ALG3: variants seen among roughly 807,000 people sequenced by gnomAD.
ALG3 encodes the protein dol-P-Man:Man(5)GlcNAc(2)-PP-Dol alpha-1,3-mannosyltransferase.
A neutral mutation model predicts 50.5 loss-of-function variants in ALG3; 39 were observed. The ratio of observed to expected loss-of-function variants is 0.77; its 90% CI spans 0.60 to 1.01. ALG3 has a LOEUF of 1.01. Ranked by LOEUF, ALG3 falls within the 50% of genes least tolerant of loss-of-function variation. The pLI, the probability that ALG3 is intolerant of heterozygous loss-of-function variation, is 0.00. For synonymous variants in ALG3, 252 were observed against 237.2 expected, an observed-to-expected ratio of 1.06 and a Z score of -0.58; for missense variants, 520 against 554.8, an observed-to-expected ratio of 0.94 and a Z score of 0.63.
In ALG3 at chr3:184,242,834, C is replaced by T. The variant is rs761255580; in HGVS notation, c.1133G>A (p.Arg378His). ...GTACCTGAGCAGGTGTGTGAGCCAG[C>T]GTGCAGGCATGGCCCACAGGAGGTA... ...LPYLLWAMPA[R>H]WLTHLLRLLV... The change falls in exon 8 of 9, where the codon CGC (arginine) becomes CAC (histidine). Residue 378 changes from arginine to histidine, a missense_variant. Physicochemically the swap from Arg to His is conservative, Grantham distance 29 (BLOSUM62 0). Coordinates refer to ENST00000397676, the MANE Select transcript of ALG3 (RefSeq NM_005787.6). The T allele has an allele frequency of 1.5e-5, 24 of 1,613,776 alleles. No homozygotes were observed. Among genetic ancestry groups the T allele is most frequent in the Non-Finnish European group, 1.7e-5 (20 of 1,179,884 alleles).
At chr3:184,244,286 A>C (rs879572601) in intron 5 of ALG3, 4 of 533,976 alleles carry the variant, frequency 7.5e-6, no homozygotes, top group Non-Finnish European at 1.3e-5. Flanking sequence ...GCTCATGCCC[A>C]AAATCCTAGC....
intron 1 of ALG3, among the ~76,000 whole-genome samples, chr3:184,247,941 G>A (rs1719255099): frequency 6.6e-6 from 1 of 151,126 alleles, no homozygotes. Flanking sequence ...TGCCTCCCGG[G>A]TTCACGCCAT....
chr3:184,249,306 C>T, upstream of ALG3: 1 of 1,603,144 alleles, frequency 6.2e-7, no homozygotes, highest in East Asian at 2.2e-5. Context: ...TCCAGGAGGG[C>T]AAAGCCCCTG....
At chr3:184,243,315 T>TA in intron 7 of ALG3, 1 of 582,076 alleles carries the variant, frequency 1.7e-6, no homozygotes, top group Non-Finnish European at 3.0e-6. Flanking sequence ...TATTAGAACA[T>TA]ATGTAAATCT....
rs368422087 is a variant in ALG3 at position 184,243,562 on chromosome 3, G to T, written c.1001C>A (p.Thr334Lys). Residue 334 changes from threonine (T) to lysine (K), a missense_variant, in exon 7 of 9, where the codon ACA becomes AAA. Physicochemically the swap from Thr to Lys is moderately conservative, Grantham distance 78 (BLOSUM62 -1). This residue lies in a region of ALG3 where 224 missense variants were observed against 272.8 expected (regional missense o/e 0.82). Coordinates refer to ENST00000397676, the MANE Select transcript of ALG3 (RefSeq NM_005787.6). ...SKRKVPPQPL[T>K]PNQIVSTLFT... ...CACAATTTAAAGGATATGGTTGGGTGTAAGGGGCTGGGGTGGAACCTTCCT... is the reference window on the plus strand; with the variant it reads ...CACAATTTAAAGGATATGGTTGGGTTTAAGGGGCTGGGGTGGAACCTTCCT... The T allele has an allele frequency of 1.9e-6, 3 of 1,613,892 alleles. No homozygotes were observed. The highest frequency in any genetic ancestry group is 2.2e-5 in the South Asian group (2 of 91,074).
rs767060916 is a variant in ALG3, at chr3:184,244,628, G to C, written c.699C>G (p.Pro233=). The C allele has an allele frequency of 5.6e-6, 9 of 1,610,602 alleles. No individual in the cohort carries two copies. The highest frequency in any genetic ancestry group is 7.6e-6 in the Non-Finnish European group (9 of 1,178,604). Residue 233 remains proline, a synonymous_variant, in exon 5 of 9, where the codon CCC becomes CCG. Coordinates refer to ENST00000397676, the MANE Select transcript of ALG3 (RefSeq NM_005787.6). ...GAAGGCCAGCACAGATTCCCAGCTT[G>C]GGGAGGGCCCCACGGAAGCCAAACT... ...LTQFGFRGAL[P]KLGICAGLQV... is the part of the protein sequence containing the mutation.
rs765901675 is a variant in ALG3, at chr3:184,242,339, T to C, written c.*175A>G. 9.2e-6 allele frequency: 8 copies of C among 866,926 alleles called. No homozygotes were observed. The highest frequency in any genetic ancestry group is 3.3e-5 in the African/African-American group (2 of 60,172). The allele number at this position is 866,926 out of a possible 1,614,324, so 53.7% of individuals were successfully genotyped here. ...AAAGTGCCTCTTAGGACTGCTTGAG[T>C]GAATTCTTTATCTGCTCCATACGTG... is the stretch of plus-strand genomic sequence containing the variant. On this transcript the variant is annotated 3_prime_UTR_variant, in exon 9 of 9. Coordinates refer to ENST00000397676, the MANE Select transcript of ALG3 (RefSeq NM_005787.6).
chr3:184,248,903 G>C lies in ALG3; in HGVS notation c.38C>G (p.Ser13Cys), dbSNP rs1479002923. 1 of 1,597,644 alleles carries C rather than the reference G, an allele frequency of 6.3e-7. No individual in the cohort carries two copies. Among genetic ancestry groups the C allele is most frequent in the African/African-American group, 1.3e-5 (1 of 74,676 alleles). ...GCAGAGTCCCTCTGCCTGGGCCGCG[G>C]AACCGGACCGGCCGCGTTTCCGCAG... is the stretch of plus-strand genomic sequence containing the variant. ...AGLRKRGRSG[S>C]AAQAEGLCKQ... The change falls in exon 1 of 9, where the codon TCC (serine) becomes TGC (cysteine). Residue 13 changes from serine (S) to cysteine (C), a missense_variant. By Grantham distance (112) the Ser-to-Cys change is moderately radical. Coordinates refer to ENST00000397676, the MANE Select transcript of ALG3 (RefSeq NM_005787.6).
chr3:184,247,385 C>T (rs1577107007), intron 1 of ALG3, among the ~76,000 whole-genome samples: 1 of 151,746 alleles, frequency 6.6e-6, no homozygotes. Flanking sequence ...GCAACCTCCA[C>T]CTCCCGGGTT....
chr3:184,243,563 T>C lies in ALG3; in HGVS notation c.1000A>G (p.Thr334Ala), dbSNP rs1253249135. Reference protein sequence around the residue: ...SKRKVPPQPLTPNQIVSTLFT... With the variant: ...SKRKVPPQPLAPNQIVSTLFT... ...ACAATTTAAAGGATATGGTTGGGTG[T>C]AAGGGGCTGGGGTGGAACCTTCCTT... The change falls in exon 7 of 9, where the codon ACA becomes GCA. Residue 334 changes from threonine (T) to alanine (A), a missense_variant. Around this residue, in one of 3 missense-constraint regions of ALG3, gnomAD observed 224 missense variants for 272.8 expected, o/e 0.82. Coordinates refer to ENST00000397676, the MANE Select transcript of ALG3 (RefSeq NM_005787.6). The C allele has an allele frequency of 1.2e-6, 2 of 1,613,874 alleles. No homozygotes were observed. The highest frequency in any genetic ancestry group is 2.2e-5 in the South Asian group (2 of 91,068).
At chr3:184,246,683 T>C (rs928439875) in intron 1 of ALG3, among the ~76,000 whole-genome samples, 4 of 150,302 alleles carry the variant, frequency 2.7e-5, no homozygotes, top group Non-Finnish European at 4.5e-5. Flanking sequence ...CTGTCTTCTT[T>C]TTTTTTTTTT....
chr3:184,247,212 CT>C (rs1361884139), intron 1 of ALG3, among the ~76,000 whole-genome samples: 2 of 151,832 alleles, frequency 1.3e-5, no homozygotes, highest in Non-Finnish European at 2.9e-5. Context: ...CCAGGCTGGT[CT>C]TTAACTCCTG....
intron 1 of ALG3, among the ~76,000 whole-genome samples, chr3:184,248,016 C>CT (rs575235372): frequency 0.022 from 2,732 of 125,344 alleles, 32 homozygotes; most frequent in Non-Finnish European, 0.03. Context: ...CGGCTAAATT[C>CT]TTTTTTTTTT....
intron 5 of ALG3, 86 bp from the exon 6 acceptor site, chr3:184,244,082 G>T: frequency 7.5e-7 from 1 of 1,326,954 alleles, no homozygotes; most frequent in Non-Finnish European, 1.1e-6. Context: ...GGTGTGGGAC[G>T]GGGATGTAGG....
chr3:184,244,524 G>A, intron 5 of ALG3, 77 bp downstream of exon 5: 1 of 1,516,816 alleles, frequency 6.6e-7, no homozygotes. Flanking sequence ...CTTTGAGGGA[G>A]TCTCAGGGAT....
upstream of ALG3, chr3:184,249,361 A>G: frequency 6.5e-6 from 9 of 1,387,252 alleles, no homozygotes; most frequent in South Asian, 1.0e-4. Flanking sequence ...GGATGCTGAG[A>G]AAAATGAACC....
Position 184,248,942 on chromosome 3 carries a change from T to C in ALG3, c.-2A>G. The C allele has an allele frequency of 3.2e-6, 5 of 1,576,804 alleles. No individual in the cohort carries two copies. The highest frequency in any genetic ancestry group is 4.3e-6 in the Non-Finnish European group (5 of 1,163,706). On this transcript the variant is annotated 5_prime_UTR_variant, in exon 1 of 9. Transcript: ENST00000397676. Reference sequence around the variant, plus strand: ...GCGTTTCCGCAGCCCAGCCGCCATCTTAACGGTGCGCCGCTTGTGTGGGCC... The same window carrying C: ...GCGTTTCCGCAGCCCAGCCGCCATCCTAACGGTGCGCCGCTTGTGTGGGCC...
At position 184,248,850 on chromosome 3, in the gene ALG3, C is replaced by G. The variant is rs534846392; in HGVS notation, c.91G>C (p.Glu31Gln). ...GGCTCCCGCAGCAGCAGGCGCCGCT[C>G]TTGCCAGGCGCGCTGCAGCCATTGC... ...CKQWLQRAWQERRLLLREPRY... is the reference protein window; with the variant it reads ...CKQWLQRAWQQRRLLLREPRY... The change falls in exon 1 of 9, where the codon GAG becomes CAG. Residue 31 changes from glutamate (E) to glutamine (Q), a missense_variant. By Grantham distance (29) the Glu-to-Gln change is conservative. Transcript: ENST00000397676. 1 of 1,608,260 alleles carries G rather than the reference C, an allele frequency of 6.2e-7. No individual in the cohort carries two copies. Among genetic ancestry groups the G allele is most frequent in the South Asian group, 1.1e-5 (1 of 90,800 alleles).
chr3:184,242,741 A>G, intron 8 of ALG3, 65 bp from the exon 9 acceptor site: 2 of 1,591,222 alleles, frequency 1.3e-6, no homozygotes, highest in Non-Finnish European at 1.7e-6. Context: ...GCAGCTCCTC[A>G]TGCCCTAGAC....
Sources: allele counts gnomAD v4.1 joint callset (sites outside exome capture counted in the v4.1 genomes callset), GRCh38; gene constraint gnomAD v4.1.1; regional missense constraint gnomAD v4.1.1; transcripts MANE v1.5; gene names NCBI Gene and HGNC (gene_info 2026-07-23, HGNC 2026-07-21).